The following PRKAG2 variants were observed in gnomAD, a reference collection of about 807,000 sequenced individuals.
PRKAG2 encodes 5'-AMP-activated protein kinase subunit gamma-2.
Under a neutral mutation model 69.6 loss-of-function variants are expected in PRKAG2, and 26 were observed. The ratio of observed to expected loss-of-function variants is 0.37; its 90% CI spans 0.27 to 0.52. PRKAG2 has a LOEUF of 0.52. Ranked by LOEUF, PRKAG2 falls within the 20% of genes least tolerant of loss-of-function variation. The probability of loss-of-function intolerance (pLI) is 0.90; values close to 1 mark genes in which losing one functional copy is unlikely to be tolerated. For synonymous variants in PRKAG2, 293 were observed against 285.0 expected (o/e 1.03, Z -0.28); for missense variants, 557 against 740.0 (o/e 0.75, Z 2.87).
At chr7:151,575,367 G>A (rs1343106812) in intron 7 of PRKAG2, among the ~76,000 whole-genome samples, 4 of 152,210 alleles carry the variant, frequency 2.6e-5, no homozygotes, top group Admixed American at 6.5e-5. Flanking sequence ...GGTTTTAACA[G>A]TTGCCATTTA....
chr7:151,675,508 T>C lies in PRKAG2; in HGVS notation c.596A>G (p.Asp199Gly). ...NRIYASSSPPDTGQRFCPSSF... is the reference protein window; with the variant it reads ...NRIYASSSPPGTGQRFCPSSF... ...AGACGGGCAGAACCTCTGCCCTGTG[T>C]CCGGGGGGGAAGACGAGGCATAGAT... Residue 199 changes from aspartate (D) to glycine (G), a missense_variant, in exon 4 of 16, where the codon GAC becomes GGC. Physicochemically the swap from Asp to Gly is moderately conservative, Grantham distance 94. Around this residue, in one of 2 missense-constraint regions of PRKAG2, gnomAD observed 352 missense variants for 356.7 expected, o/e 0.99. Transcript: ENST00000287878. 2 of 1,614,152 alleles carry C rather than the reference T, an allele frequency of 1.2e-6. No homozygotes were observed. Among genetic ancestry groups the C allele is most frequent in the South Asian group, 2.2e-5 (2 of 91,090 alleles).
chr7:151,723,423 A>C (rs550473240), intron 3 of PRKAG2, among the ~76,000 whole-genome samples: 45 of 152,314 alleles, frequency 3.0e-4, no homozygotes, highest in African/African-American at 1.1e-3. Flanking sequence ...ATACAGATCG[A>C]GTTAGAATGT....
At chr7:151,685,950 G>A (rs955818121) in intron 3 of PRKAG2, among the ~76,000 whole-genome samples, 1 of 152,062 alleles carries the variant, frequency 6.6e-6, no homozygotes, top group Non-Finnish European at 1.5e-5. Flanking sequence ...TGGCTTAATC[G>A]AAGATGCTAG....
At chr7:151,672,571 C>G (rs1832234741) in intron 4 of PRKAG2, among the ~76,000 whole-genome samples, 1 of 151,836 alleles carries the variant, frequency 6.6e-6, no homozygotes, top group Non-Finnish European at 1.5e-5. Context: ...ACCCACCATT[C>G]TACATTCCGT....
intron 1 of PRKAG2, among the ~76,000 whole-genome samples, chr7:151,795,318 C>T (rs945698908): frequency 7.2e-5 from 11 of 152,180 alleles, no homozygotes; most frequent in South Asian, 2.1e-4. Context: ...TCTGTGCAGC[C>T]GTCTCCTCGA....
chr7:151,815,678 T>C (rs980381453), intron 1 of PRKAG2, among the ~76,000 whole-genome samples: 2 of 152,234 alleles, frequency 1.3e-5, no homozygotes, highest in African/African-American at 4.8e-5. Context: ...CCTTCCTTCG[T>C]GACACTCATT....
rs536669730 is a variant in PRKAG2 at position 151,850,884 on chromosome 7, C to T, written c.114+25623G>A. Among the ~76,000 whole-genome samples the T allele has an allele frequency of 3.5e-4, 54 of 152,340 alleles. No individual in the cohort carries two copies. The highest frequency in any genetic ancestry group is 1.2e-3 in the South Asian group (6 of 4,830). ...TCACTGAAAGCCGAGTCTGACAACA[C>T]GGAATAAGAAGTCCTCGATGAGCCG... is the stretch of plus-strand genomic sequence containing the variant. On this transcript the variant is annotated intron_variant, in intron 1 of 15. Transcript: ENST00000287878. The surrounding 1 kb of genome is among the most constrained non-coding windows in gnomAD (Gnocchi z 4.1).
chr7:151,808,072 G>A (rs1203020374), intron 1 of PRKAG2, among the ~76,000 whole-genome samples: 1 of 152,094 alleles, frequency 6.6e-6, no homozygotes. Flanking sequence ...GAGGAACCCC[G>A]GCCACAGCGG....
Position 151,632,198 on chromosome 7 carries a change from G to A in PRKAG2, c.685-60C>T. ...GCTGCGACGCTCGTCCCCGGCCGGCGGGCTCGCGGCCGGCCGAGCGCTGGG... is the reference window on the plus strand; with the variant it reads ...GCTGCGACGCTCGTCCCCGGCCGGCAGGCTCGCGGCCGGCCGAGCGCTGGG... On this transcript the variant is annotated intron_variant, in intron 4 of 15. Coordinates refer to ENST00000287878, the MANE Select transcript of PRKAG2 (RefSeq NM_016203.4). This position sits in a 1 kb window ranked among gnomAD's most constrained non-coding sequence, Gnocchi z 4.2. The A allele has an allele frequency of 8.4e-7, 1 of 1,186,692 alleles. No homozygotes were observed. Among genetic ancestry groups the A allele is most frequent in the Non-Finnish European group, 1.0e-6 (1 of 954,688 alleles). 73.5% of individuals were successfully genotyped at this position (1,186,692 alleles called of 1,614,324 possible). A position where few individuals can be genotyped will look rare whatever the true frequency, so the allele number is the denominator to read the frequency against.
chr7:151,825,452 A>G (rs2078885244), intron 1 of PRKAG2, among the ~76,000 whole-genome samples: 1 of 152,160 alleles, frequency 6.6e-6, no homozygotes, highest in South Asian at 2.1e-4. Flanking sequence ...TGTATAATAA[A>G]TGCTCCCAAC....
rs397769419 is a variant in PRKAG2, at chr7:151,575,896, C to CAA, written c.946+473_946+474dup. 7.9e-3 allele frequency among the ~76,000 whole-genome samples: 500 copies of CAA among 63,454 alleles called. 4 individuals carry two copies. The highest frequency in any genetic ancestry group is 0.024 in the African/African-American group (463 of 19,522). 41.6% of individuals were successfully genotyped at this position (63,454 alleles called of 152,430 possible). A position where few individuals can be genotyped will look rare whatever the true frequency, so the allele number is the denominator to read the frequency against. On this transcript the variant is annotated intron_variant, in intron 7 of 15. Transcript: ENST00000287878. ...GTGTGTAGAGTTCTCAATGAGGCGG[C>CAA]AAAAAAAAAAAAAAAAAGAAAAAAA...
chr7:151,730,625 C>T (rs1042165059), intron 3 of PRKAG2, among the ~76,000 whole-genome samples: 2 of 151,582 alleles, frequency 1.3e-5, no homozygotes, highest in Non-Finnish European at 2.9e-5. Flanking sequence ...AGCAGATGGG[C>T]GCCAGAGGCA....
rs1272012691 is a variant in PRKAG2 at position 151,574,752 on chromosome 7, T to C, written c.1005+139A>G. The C allele has an allele frequency of 3.8e-5, 46 of 1,201,820 alleles. No individual in the cohort carries two copies. The East Asian group carries it at 1.2e-3, about 31-fold the overall frequency. 74.4% of individuals were successfully genotyped at this position (1,201,820 alleles called of 1,614,324 possible). A position where few individuals can be genotyped will look rare whatever the true frequency, so the allele number is the denominator to read the frequency against. ...AAGTTCCCTGCATGTTATATAGATT[T>C]GGAAAATCACCATCAGCACACCATA... On this transcript the variant is annotated intron_variant, in intron 8 of 15. Transcript: ENST00000287878.
At chr7:151,705,617 G>T (rs1438955959) in intron 3 of PRKAG2, among the ~76,000 whole-genome samples, 3 of 152,144 alleles carry the variant, frequency 2.0e-5, no homozygotes, top group Non-Finnish European at 2.9e-5. Flanking sequence ...TTTCCCAAAG[G>T]CCCATAAAGA....
chr7:151,760,279 C>A (rs2075337176), intron 3 of PRKAG2, among the ~76,000 whole-genome samples: 2 of 152,170 alleles, frequency 1.3e-5, no homozygotes, highest in African/African-American at 4.8e-5. Flanking sequence ...GCTCTGTTCC[C>A]AGGCTAGAGT....
chr7:151,657,589 G>C (rs948028352), intron 4 of PRKAG2, among the ~76,000 whole-genome samples: 1 of 152,098 alleles, frequency 6.6e-6, no homozygotes, highest in African/African-American at 2.4e-5. Context: ...CTAAACCTTG[G>C]TTCTTAACTT....
intron 2 of PRKAG2, among the ~76,000 whole-genome samples, chr7:151,783,308 A>G (rs2151809869): frequency 6.6e-6 from 1 of 152,288 alleles, no homozygotes; most frequent in East Asian, 1.9e-4. Flanking sequence ...TTGTAACTCA[A>G]GCTAAGTTTT....
intron 4 of PRKAG2, among the ~76,000 whole-genome samples, chr7:151,663,787 C>A (rs749708082): frequency 1.3e-5 from 2 of 152,202 alleles, no homozygotes; most frequent in Non-Finnish European, 2.9e-5. Context: ...TTGTCCCTTG[C>A]CTTTCTGGGG....
At position 151,836,235 on chromosome 7, in the gene PRKAG2, C is replaced by T. The variant is rs1331946792; in HGVS notation, c.114+40272G>A. 1.4e-4 allele frequency among the ~76,000 whole-genome samples: 22 copies of T among 152,124 alleles called. No individual in the cohort carries two copies. The highest frequency in any genetic ancestry group is 1.1e-3 in the Admixed American group (17 of 15,274). ...CTCTTCCCCAGGAGACTGAGAGACT[C>T]GGGGGAGCAGGGGCTGCGTCAGGAC... On this transcript the variant is annotated intron_variant, in intron 1 of 15. Transcript: ENST00000287878. This position sits in a 1 kb window ranked among gnomAD's most constrained non-coding sequence, Gnocchi z 4.1.
Sources: allele counts gnomAD v4.1 joint callset (sites outside exome capture counted in the v4.1 genomes callset), GRCh38; gene constraint gnomAD v4.1.1; regional missense constraint gnomAD v4.1.1; non-coding constraint Gnocchi (gnomAD v3.1); transcripts MANE v1.5; gene names NCBI Gene and HGNC (gene_info 2026-07-23, HGNC 2026-07-21).